The following LARGE1 variants were observed in gnomAD, a reference collection of about 807,000 sequenced individuals.
The protein encoded by LARGE1 is LARGE xylosyl- and glucuronyltransferase 1.
In LARGE1, 43 loss-of-function variants were observed where a neutral mutation model predicts 87.6. The ratio of observed to expected loss-of-function variants is 0.49; its 90% confidence interval spans 0.38 to 0.63. LARGE1 has a LOEUF of 0.63. Among genes scored for constraint, LARGE1 ranks in the 30% least tolerant of loss-of-function variants. The pLI is 0.00. For missense variants in LARGE1, 802 were observed against 1,000.2 expected, an observed-to-expected ratio of 0.80 and a Z score of 2.67; for synonymous variants, 434 against 394.6, an observed-to-expected ratio of 1.10 and a Z score of -1.18.
At chr22:33,618,820 G>A (rs1268742184) in intron 4 of LARGE1, among the ~76,000 whole-genome samples, 1 of 152,204 alleles carries the variant, frequency 6.6e-6, no homozygotes, top group Non-Finnish European at 1.5e-5. Context: ...CCGCCTTCCT[G>A]TTTGGTGTGA....
At chr22:33,381,666 A>G (rs373766926) in intron 9 of LARGE1, among the ~76,000 whole-genome samples, 1 of 152,166 alleles carries the variant, frequency 6.6e-6, no homozygotes, top group African/African-American at 2.4e-5. Flanking sequence ...CAAAAGAGCC[A>G]GCAGCAGATG....
intron 7 of LARGE1, among the ~76,000 whole-genome samples, chr22:33,407,892 A>C (rs556481349): frequency 2.0e-5 from 3 of 152,228 alleles, no homozygotes; most frequent in African/African-American, 7.2e-5. Flanking sequence ...TGTAAAAGAA[A>C]ATACGTTTAT....
chr22:33,796,019 G>A (rs1345565826), intron 1 of LARGE1, among the ~76,000 whole-genome samples: 1 of 151,052 alleles, frequency 6.6e-6, no homozygotes, highest in African/African-American at 2.5e-5. Flanking sequence ...AAGAACATAG[G>A]CTGTGGAGCC....
intron 11 of LARGE1, among the ~76,000 whole-genome samples, chr22:33,307,324 T>C (rs1033336394): frequency 3.9e-5 from 6 of 152,200 alleles, no homozygotes; most frequent in South Asian, 2.1e-4. Flanking sequence ...GTGAAGGACA[T>C]AGATTCACAT....
chr22:33,764,458 T>A (rs1260230352), intron 1 of LARGE1, among the ~76,000 whole-genome samples: 1 of 152,130 alleles, frequency 6.6e-6, no homozygotes, highest in Non-Finnish European at 1.5e-5. Context: ...AGATTACTTA[T>A]AATACCTAAT....
At chr22:33,442,086 C>G (rs1410348865) in intron 6 of LARGE1, among the ~76,000 whole-genome samples, 1 of 152,126 alleles carries the variant, frequency 6.6e-6, no homozygotes, top group Non-Finnish European at 1.5e-5. Context: ...AAGAGTTAGG[C>G]TGAATAAGTG....
At chr22:33,481,880 A>T (rs2069345796) in intron 6 of LARGE1, among the ~76,000 whole-genome samples, 1 of 152,198 alleles carries the variant, frequency 6.6e-6, no homozygotes, top group Non-Finnish European at 1.5e-5. Flanking sequence ...GGACAATAAA[A>T]TTTTGAGTGA....
chr22:33,692,042 A>G (rs1295938853), intron 2 of LARGE1, among the ~76,000 whole-genome samples: 4 of 152,186 alleles, frequency 2.6e-5, no homozygotes, highest in African/African-American at 9.6e-5. Context: ...TATTATTTTA[A>G]GTAGGACAAA....
intron 13 of LARGE1, among the ~76,000 whole-genome samples, chr22:33,278,239 A>G (rs2145840774): frequency 6.6e-6 from 1 of 152,290 alleles, no homozygotes; most frequent in East Asian, 1.9e-4. Context: ...CAGCAGGAAA[A>G]TGGGACCTTA....
At chr22:33,111,571 T>C in the LARGE1 span, among the ~76,000 whole-genome samples, 3 of 152,130 alleles carry the variant, frequency 2.0e-5, no homozygotes, top group Non-Finnish European at 2.9e-5. Flanking sequence ...TCACTGACAA[T>C]TCCCCCCGTC....
chr22:33,545,566 C>T (rs1204745065), intron 6 of LARGE1, among the ~76,000 whole-genome samples: 1 of 152,186 alleles, frequency 6.6e-6, no homozygotes, highest in Non-Finnish European at 1.5e-5. Context: ...CTCAGCCTTC[C>T]AAGTAGCTGG....
At position 33,473,168 on chromosome 22, in the gene LARGE1, CTT is replaced by C. The variant is rs993859600; in HGVS notation, c.788-40905_788-40904del. ...ACAACCTACACTTTTTCATATCTCT[CTT>C]TTTTTTTTTTTCTTTGAGATGGAGT... On this transcript the variant is annotated intron_variant, in intron 6 of 14. Transcript: ENST00000397394. Among the ~76,000 whole-genome samples the C allele has an allele frequency of 2.1e-5, 3 of 145,216 alleles. No homozygotes were observed. The Admixed American group carries it at 2.1e-4, about 10-fold the overall frequency.
chr22:33,884,264 G>C (rs1406579807), intron 1 of LARGE1, among the ~76,000 whole-genome samples: 1 of 152,224 alleles, frequency 6.6e-6, no homozygotes, highest in Non-Finnish European at 1.5e-5. Context: ...CGTCCACACT[G>C]CTGGGAACAC....
chr22:33,730,752 G>T (rs1424921485), intron 2 of LARGE1, among the ~76,000 whole-genome samples: 1 of 152,014 alleles, frequency 6.6e-6, no homozygotes, highest in Non-Finnish European at 1.5e-5. Flanking sequence ...GTGCAATGGT[G>T]CTATCTCGGC....
chr22:33,418,689 A>G (rs1307824907), intron 7 of LARGE1, among the ~76,000 whole-genome samples: 3 of 152,134 alleles, frequency 2.0e-5, no homozygotes, highest in Non-Finnish European at 4.4e-5. Flanking sequence ...GGCAACAGCC[A>G]GGGGGCCAGA....
At chr22:33,833,876 G>T (rs149807776) in intron 1 of LARGE1, among the ~76,000 whole-genome samples, 1 of 152,184 alleles carries the variant, frequency 6.6e-6, no homozygotes, top group South Asian at 2.1e-4. Flanking sequence ...TAGTAGAGAC[G>T]AGGTTTCACT....
chr22:33,420,780 G>C (rs577493853), intron 7 of LARGE1, among the ~76,000 whole-genome samples: 1 of 152,356 alleles, frequency 6.6e-6, no homozygotes, highest in Admixed American at 6.5e-5. Flanking sequence ...ACACGTGGAT[G>C]GTCAGCCCTG....
chr22:33,839,933 A>G (rs2063226474), intron 1 of LARGE1, among the ~76,000 whole-genome samples: 1 of 152,136 alleles, frequency 6.6e-6, no homozygotes, highest in Admixed American at 6.5e-5. Context: ...TCAAACCCAG[A>G]TGCATTCAAC....
chr22:33,505,575 G>A (rs1316008800), intron 6 of LARGE1, among the ~76,000 whole-genome samples: 1 of 152,184 alleles, frequency 6.6e-6, no homozygotes, highest in African/African-American at 2.4e-5. Flanking sequence ...GTAAAACCCA[G>A]AACAAAGGGA....
Sources: gnomAD v4.1 joint callset for allele counts (sites outside exome capture counted in the v4.1 genomes callset) on GRCh38, gnomAD v4.1.1 for gene constraint, MANE v1.5 for transcripts, NCBI Gene and HGNC (gene_info 2026-07-23, HGNC 2026-07-21) for gene names.